Variants in TRMT11 observed in about 807,000 individuals in gnomAD.
TRMT11 encodes the protein tRNA methyltransferase 11, also known as tRNA (guanine(10)-N(2))-methyltransferase TRMT11.
A neutral mutation model predicts 62.8 loss-of-function variants in TRMT11; 53 were observed. The ratio of observed to expected loss-of-function variants is 0.84; its 90% CI spans 0.68 to 1.06. The LOEUF is 1.06. Ranked by LOEUF, TRMT11 falls within the 50% of genes least tolerant of loss-of-function variation. The pLI is 0.00. For synonymous variants in TRMT11, 188 were observed against 190.3 expected (o/e 0.99, Z 0.10); for missense variants, 556 against 553.4 (o/e 1.00, Z -0.05).
At chr6:126,243,789 G>A in the TRMT11 span, among the ~76,000 whole-genome samples, 1 of 152,152 alleles carries the variant, frequency 6.6e-6, no homozygotes, top group South Asian at 2.1e-4. Flanking sequence ...TTGTGGGGTG[G>A]GCGGAGGTGG....
chr6:126,203,794 C>T (rs9482729), downstream of TRMT11, among the ~76,000 whole-genome samples: 1,256 of 152,146 alleles, frequency 8.3e-3, 8 homozygotes, highest in African/African-American at 0.029. Flanking sequence ...TGTACTACTA[C>T]ATATTAAAAA....
At chr6:126,032,542 T>A (rs765544164) in intron 12 of TRMT11, among the ~76,000 whole-genome samples, 14 of 152,112 alleles carry the variant, frequency 9.2e-5, no homozygotes, top group Non-Finnish European at 1.9e-4. Context: ...TATGAGTAAA[T>A]TTAATTCATC....
chr6:126,261,707 A>G, the TRMT11 span, among the ~76,000 whole-genome samples: 1 of 152,200 alleles, frequency 6.6e-6, no homozygotes, highest in Non-Finnish European at 1.5e-5. Flanking sequence ...AATCACTGTC[A>G]GTAATTTCTG....
chr6:126,005,414 A>T (rs775438120), intron 7 of TRMT11, among the ~76,000 whole-genome samples: 2 of 152,090 alleles, frequency 1.3e-5, no homozygotes, highest in Non-Finnish European at 2.9e-5. Context: ...TTTCACGTCT[A>T]TCATTTGTAA....
intron 21 of TRMT11, among the ~76,000 whole-genome samples, chr6:126,131,546 A>C (rs545048552): frequency 1.3e-4 from 19 of 151,964 alleles, no homozygotes; most frequent in Non-Finnish European, 2.6e-4. Flanking sequence ...TAGAGCACAG[A>C]AACGAGGCCA....
At position 126,067,197 on chromosome 6, in the gene TRMT11, CTCAA is replaced by C. The variant is rs1562313556; in HGVS notation, c.*1437+14008_*1437+14011del. On this transcript the variant is annotated intron_variant and NMD_transcript_variant, in intron 17 of 22. Transcript: ENST00000648977. ...CCTGGGCGACAGAGTGAGACTCCTT[CTCAA>C]AAAAAAAAAAAAAAAGTTGTTTTGC... is the stretch of plus-strand genomic sequence containing the variant. Among the ~76,000 whole-genome samples the C allele has an allele frequency of 2.3e-3, 315 of 138,464 alleles. 2 individuals are homozygous for C. The highest frequency in any genetic ancestry group is 9.4e-3 in the African/African-American group (302 of 32,038). 90.8% of individuals were successfully genotyped at this position (138,464 alleles called of 152,430 possible). A position where few individuals can be genotyped will look rare whatever the true frequency, so the allele number is the denominator to read the frequency against.
intron 8 of TRMT11, among the ~76,000 whole-genome samples, chr6:126,010,942 A>C (rs1240424033): frequency 6.6e-6 from 1 of 152,136 alleles, no homozygotes; most frequent in Non-Finnish European, 1.5e-5. Flanking sequence ...TACTGCTGGA[A>C]GAAAGGAACC....
chr6:126,218,909 G>C, the TRMT11 span, among the ~76,000 whole-genome samples: 1 of 152,108 alleles, frequency 6.6e-6, no homozygotes. Flanking sequence ...TTTCCCTCTG[G>C]CTAGGGCTGG....
intron 8 of TRMT11, among the ~76,000 whole-genome samples, chr6:126,009,145 C>T (rs1250472597): frequency 6.6e-6 from 1 of 151,778 alleles, no homozygotes; most frequent in Non-Finnish European, 1.5e-5. Context: ...AGATTATCAC[C>T]ACTCATTTAA....
At chr6:126,040,532 C>G (rs1274319086), downstream of TRMT11, among the ~76,000 whole-genome samples, 2 of 152,076 alleles carry the variant, frequency 1.3e-5, no homozygotes, top group East Asian at 3.9e-4. Context: ...GCGTTAGGAT[C>G]TTATTACTTT....
the TRMT11 span, among the ~76,000 whole-genome samples, chr6:126,262,842 G>A: frequency 2.0e-5 from 3 of 152,174 alleles, no homozygotes; most frequent in Admixed American, 2.0e-4. Flanking sequence ...TGATGGTTCT[G>A]TCCTGGGCTT....
chr6:125,998,796 T>C (rs893481185), intron 6 of TRMT11, 112 bp downstream of exon 6: 1 of 986,722 alleles, frequency 1.0e-6, no homozygotes, highest in Non-Finnish European at 1.5e-6. Context: ...TCAGAACTAC[T>C]GAATGGATTA....
chr6:126,143,054 T>C lies in TRMT11; in HGVS notation c.*1823+27199T>C, dbSNP rs1023350410. Among the ~76,000 whole-genome samples, 8 of 152,250 alleles carry C rather than the reference T, an allele frequency of 5.3e-5. No individual in the cohort carries two copies. In the East Asian group the frequency reaches 1.5e-3, roughly 29 times the overall value. The stretch of plus-strand genomic sequence containing the variant: ...CTAATGTTGTATACACTGTATTTTA[T>C]CTCAAAATCAGAATAAATAGACATT... On this transcript the variant is annotated intron_variant and NMD_transcript_variant, in intron 21 of 22. Transcript: ENST00000648977.
chr6:126,073,423 CATTTTTA>C (rs1776916575), intron 17 of TRMT11, among the ~76,000 whole-genome samples: 1 of 152,252 alleles, frequency 6.6e-6, no homozygotes, highest in Admixed American at 6.5e-5. Context: ...TTGATAATTC[CATTTTTA>C]ATTTTTAAGT....
chr6:126,233,784 T>C, the TRMT11 span, among the ~76,000 whole-genome samples: 2 of 152,202 alleles, frequency 1.3e-5, no homozygotes, highest in African/African-American at 4.8e-5. Flanking sequence ...GGATTTCATT[T>C]GCTTTTATTC....
chr6:126,209,763 C>CA, the TRMT11 span, among the ~76,000 whole-genome samples: 2 of 151,854 alleles, frequency 1.3e-5, no homozygotes, highest in South Asian at 2.1e-4. Context: ...ACAACAACAA[C>CA]AAAAAAACAA....
intron 1 of TRMT11, among the ~76,000 whole-genome samples, chr6:126,192,282 G>A (rs893739036): frequency 6.6e-6 from 1 of 151,970 alleles, no homozygotes; most frequent in Non-Finnish European, 1.5e-5. Context: ...ATTTTTGTAT[G>A]TTGATTTCGT....
intron 21 of TRMT11, among the ~76,000 whole-genome samples, chr6:126,160,258 GCT>G (rs1778173538): frequency 6.6e-5 from 10 of 152,124 alleles, no homozygotes; most frequent in African/African-American, 1.9e-4. Flanking sequence ...GTGATTATAT[GCT>G]CTTAGGGAGA....
chr6:126,008,474 TGAGTA>T lies in TRMT11; in HGVS notation c.760+6_760+10del. ...ACTACAACACAGTTCATGGCTTGGG[TGAGTA>T]GAGATTATAGACAGTATTATAGTCA... On this transcript the variant is annotated splice_donor_5th_base_variant and intron_variant, in intron 8 of 12. Coordinates refer to ENST00000334379, the MANE Select transcript of TRMT11 (RefSeq NM_001031712.3). 2 of 1,610,694 alleles carry T rather than the reference TGAGTA, an allele frequency of 1.2e-6. No homozygotes were observed. The highest frequency in any genetic ancestry group is 1.7e-6 in the Non-Finnish European group (2 of 1,177,144).
Sources: allele counts gnomAD v4.1 joint callset (sites outside exome capture counted in the v4.1 genomes callset), GRCh38; gene constraint gnomAD v4.1.1; transcripts MANE v1.5; gene names NCBI Gene and HGNC (gene_info 2026-07-23, HGNC 2026-07-21).